The following ABCD2 variants were observed in gnomAD, a reference collection of about 807,000 sequenced individuals.
The protein encoded by ABCD2 is ATP binding cassette subfamily D member 2.
ABCD2 carries 36 observed loss-of-function variants against 70.9 expected under a neutral mutation model. The observed-to-expected ratio is 0.51, with a 90% CI of 0.39 to 0.67. The LOEUF is 0.67. Ranked by LOEUF, ABCD2 falls within the 30% of genes least tolerant of loss-of-function variation. ABCD2 has a pLI of 0.00. For synonymous variants in ABCD2, 304 were observed against 306.9 expected (o/e 0.99, Z 0.10); for missense variants, 729 against 890.2 (o/e 0.82, Z 2.30).
chr12:39,552,958 G>A lies in ABCD2; in HGVS notation c.*954C>T, dbSNP rs2120511918. On this transcript the variant is annotated 3_prime_UTR_variant, in exon 10 of 10. Transcript: ENST00000308666. ...AAGCAAAGTAGGAAAAATAGTATTT[G>A]TTTCAAAACATTGTCATCAACATTA... 1 of 152,016 alleles carries A rather than the reference G, an allele frequency of 6.6e-6. No homozygotes were observed. The highest frequency in any genetic ancestry group is 1.5e-5 in the Non-Finnish European group (1 of 67,844). 9.4% of individuals were successfully genotyped at this position (152,016 alleles called of 1,614,324 possible).
At chr12:39,555,560 C>T (rs1385352884) in intron 9 of ABCD2, among the ~76,000 whole-genome samples, 1 of 152,136 alleles carries the variant, frequency 6.6e-6, no homozygotes, top group Non-Finnish European at 1.5e-5. Context: ...ACCCATGTCC[C>T]AACCACAAAG....
downstream of ABCD2, among the ~76,000 whole-genome samples, chr12:39,545,586 G>A (rs74907109): frequency 0.14 from 21,448 of 152,156 alleles, 1,719 homozygotes; most frequent in South Asian, 0.34. Context: ...CCTAAGGCTG[G>A]TGGTGAGAAG....
At chr12:39,614,091 T>G (rs1251261249) in intron 2 of ABCD2, among the ~76,000 whole-genome samples, 4 of 152,222 alleles carry the variant, frequency 2.6e-5, no homozygotes, top group South Asian at 2.1e-4. Context: ...TCTTATTTAA[T>G]GCTTGTAACA....
chr12:39,585,681 G>T (rs1191335931), intron 7 of ABCD2, among the ~76,000 whole-genome samples: 1 of 152,014 alleles, frequency 6.6e-6, no homozygotes, highest in Non-Finnish European at 1.5e-5. Context: ...CCACAATACA[G>T]AAGTTTCTAA....
At chr12:39,583,680 A>G (rs534683864) in intron 7 of ABCD2, among the ~76,000 whole-genome samples, 110 of 152,076 alleles carry the variant, frequency 7.2e-4, no homozygotes, top group African/African-American at 2.5e-3. Flanking sequence ...CTACCCTCCA[A>G]TCCTCAAGTA....
At chr12:39,533,132 T>G in the ABCD2 span, among the ~76,000 whole-genome samples, 11 of 151,734 alleles carry the variant, frequency 7.2e-5, no homozygotes, top group African/African-American at 2.2e-4. Context: ...GTCATTGCAC[T>G]CCAGCCTGGG....
intron 9 of ABCD2, among the ~76,000 whole-genome samples, chr12:39,557,300 T>G (rs544168680): frequency 7.2e-5 from 11 of 152,228 alleles, no homozygotes; most frequent in African/African-American, 2.6e-4. Context: ...TTGAGAGAGA[T>G]GATTTAGGCA....
At chr12:39,591,689 G>T (rs903101729) in intron 6 of ABCD2, among the ~76,000 whole-genome samples, 1 of 152,106 alleles carries the variant, frequency 6.6e-6, no homozygotes, top group Non-Finnish European at 1.5e-5. Flanking sequence ...TCCAGCCTGG[G>T]CAATAGAGTG....
chr12:39,539,972 C>T, the ABCD2 span: 1 of 152,236 alleles, frequency 6.6e-6, no homozygotes, highest in Non-Finnish European at 1.5e-5. Flanking sequence ...TGACTCAAAT[C>T]CAGGTTCACC....
rs73096519 is a variant in ABCD2, at chr12:39,554,809, G to A, written c.2004-678C>T. ...AGGAGGCTGAGGTCACCATTCTGTCGGCTTTGTGGGGGATATTTGGTGAAA... is the reference window on the plus strand; with the variant it reads ...AGGAGGCTGAGGTCACCATTCTGTCAGCTTTGTGGGGGATATTTGGTGAAA... On this transcript the variant is annotated intron_variant, in intron 9 of 9. Transcript: ENST00000308666. 3.9e-3 allele frequency among the ~76,000 whole-genome samples: 595 copies of A among 152,186 alleles called. 4 individuals are homozygous for A. The highest frequency in any genetic ancestry group is 0.012 in the African/African-American group (498 of 41,528).
the ABCD2 span, among the ~76,000 whole-genome samples, chr12:39,534,442 C>A: frequency 3.3e-5 from 5 of 152,082 alleles, no homozygotes; most frequent in Admixed American, 2.0e-4. Context: ...TGGGCTTACA[C>A]CAGCTTCATA....
At chr12:39,606,067 A>G (rs1941965589) in intron 3 of ABCD2, among the ~76,000 whole-genome samples, 1 of 152,210 alleles carries the variant, frequency 6.6e-6, no homozygotes, top group South Asian at 2.1e-4. Flanking sequence ...AAAGATCAAC[A>G]AAATAGGGAT....
At chr12:39,543,183 T>G in the ABCD2 span, among the ~76,000 whole-genome samples, 1 of 152,156 alleles carries the variant, frequency 6.6e-6, no homozygotes, top group Non-Finnish European at 1.5e-5. Context: ...ATCCAATTTT[T>G]CATCCCATTA....
chr12:39,606,035 T>C (rs1341301372), intron 3 of ABCD2, among the ~76,000 whole-genome samples: 1 of 152,128 alleles, frequency 6.6e-6, no homozygotes, highest in Non-Finnish European at 1.5e-5. Context: ...TCTTGAGTTG[T>C]CAAGTAGAGG....
At chr12:39,539,985 A>AC in the ABCD2 span, 1 of 152,224 alleles carries the variant, frequency 6.6e-6, no homozygotes, top group African/African-American at 2.4e-5. Context: ...GGTTCACCTC[A>AC]CACCATAGTA....
At chr12:39,546,486 T>G (rs1408499096), downstream of ABCD2, among the ~76,000 whole-genome samples, 1 of 152,134 alleles carries the variant, frequency 6.6e-6, no homozygotes, top group Admixed American at 6.6e-5. Context: ...TGAAGTTAGA[T>G]TCAATTGTCA....
At chr12:39,563,358 G>A (rs1161454614) in intron 9 of ABCD2, among the ~76,000 whole-genome samples, 1 of 152,000 alleles carries the variant, frequency 6.6e-6, no homozygotes, top group Non-Finnish European at 1.5e-5. Flanking sequence ...CACCTCTGCA[G>A]TCCAGCCTGG....
At chr12:39,588,078 G>GA (rs1465948985) in intron 6 of ABCD2, among the ~76,000 whole-genome samples, 1 of 152,142 alleles carries the variant, frequency 6.6e-6, no homozygotes, top group Non-Finnish European at 1.5e-5. Context: ...TCTCACTGTG[G>GA]AAGAAGAAAG....
chr12:39,618,715 C>T lies in ABCD2; in HGVS notation c.901G>A (p.Ala301Thr), dbSNP rs1942150266. Reference sequence around the variant, plus strand: ...TAAAAGGCAATTTCTTCTACATTGGCTATAATTCTCGAGTGCACATACCGC... The same window carrying T: ...TAAAAGGCAATTTCTTCTACATTGGTTATAATTCTCGAGTGCACATACCGC... ...YLRYVHSRII[A>T]NVEEIAFYRG... Residue 301 changes from alanine (A) to threonine (T), a missense_variant, in exon 1 of 10, where the codon GCC (alanine) becomes ACC (threonine). Coordinates refer to ENST00000308666, the MANE Select transcript of ABCD2 (RefSeq NM_005164.4). 1 of 1,614,008 alleles carries T rather than the reference C, an allele frequency of 6.2e-7. No homozygotes were observed. Among genetic ancestry groups the T allele is most frequent in the South Asian group, 1.1e-5 (1 of 91,078 alleles).
Sources: gnomAD v4.1 joint callset for allele counts (sites outside exome capture counted in the v4.1 genomes callset) on GRCh38, gnomAD v4.1.1 for gene constraint, MANE v1.5 for transcripts, NCBI Gene and HGNC (gene_info 2026-07-23, HGNC 2026-07-21) for gene names.